The following ABLIM1 variants were observed in gnomAD, a reference collection of about 807,000 sequenced individuals.
ABLIM1 encodes actin-binding LIM protein 1.
ABLIM1 carries 40 observed loss-of-function variants against 107.0 expected under a neutral mutation model. The observed-to-expected ratio is 0.37, with a 90% CI of 0.29 to 0.49. The LOEUF is 0.49. Among genes scored for constraint, ABLIM1 ranks in the 20% least tolerant of loss-of-function variants. The probability of loss-of-function intolerance (pLI) is 0.97; values close to 1 mark genes in which losing one functional copy is unlikely to be tolerated. For synonymous variants in ABLIM1, 357 were observed against 357.3 expected (o/e 1.00, Z 0.01); for missense variants, 857 against 1,008.5 (o/e 0.85, Z 2.04).
chr10:114,524,324 G>A (rs915462137), intron 6 of ABLIM1, among the ~76,000 whole-genome samples: 15 of 152,142 alleles, frequency 9.9e-5, no homozygotes, highest in Non-Finnish European at 2.1e-4. Flanking sequence ...TAATGCTAAA[G>A]GTGTAAGAAA....
chr10:114,473,127 T>C lies in ABLIM1; in HGVS notation c.1125A>G (p.Lys375=). The C allele has an allele frequency of 1.2e-6, 2 of 1,607,726 alleles. No homozygotes were observed. Among genetic ancestry groups the C allele is most frequent in the Non-Finnish European group, 1.7e-6 (2 of 1,176,426 alleles). ...TGTAATCCAGGATCTCATTGTCTAC[T>C]TTTGCCTGGCAAAGTTAACCAGAAA... is the stretch of plus-strand genomic sequence containing the variant. ...PGSPGHTIYA[K]VDNEILDYKD... The change falls in exon 10 of 23, where the codon AAA becomes AAG. Residue 375 remains lysine, a synonymous_variant. Coordinates refer to ENST00000533213, the MANE Select transcript of ABLIM1 (RefSeq NM_002313.7).
chr10:114,748,659 CTTTT>C (rs1290803247), intron 1 of ABLIM1, among the ~76,000 whole-genome samples: 2 of 121,560 alleles, frequency 1.6e-5, no homozygotes, highest in African/African-American at 6.0e-5. Context: ...TTTTTTTTTT[CTTTT>C]TTTTTTTTTT....
intron 11 of ABLIM1, among the ~76,000 whole-genome samples, chr10:114,467,691 G>C (rs2065471138): frequency 6.6e-6 from 1 of 152,160 alleles, no homozygotes; most frequent in Admixed American, 6.5e-5. Context: ...TTGAATTACA[G>C]AGATTCCCTA....
At chr10:114,597,771 C>T (rs2253338) in intron 2 of ABLIM1, among the ~76,000 whole-genome samples, 103,413 of 151,894 alleles carry the variant, frequency 0.68, 35,657 homozygotes, top group Middle Eastern at 0.74. Flanking sequence ...CTTTGGGTAG[C>T]GGTACTATGT....
At chr10:114,561,977 T>C (rs2069775917) in intron 4 of ABLIM1, among the ~76,000 whole-genome samples, 1 of 152,204 alleles carries the variant, frequency 6.6e-6, no homozygotes, top group Non-Finnish European at 1.5e-5. Context: ...CAGATTTCAG[T>C]AGGAAAAATC....
chr10:114,670,524 G>T (rs1215991703), intron 1 of ABLIM1, among the ~76,000 whole-genome samples: 1 of 152,132 alleles, frequency 6.6e-6, no homozygotes, highest in Admixed American at 6.6e-5. Context: ...TTCAGACAGG[G>T]TCTTGCTCCC....
chr10:114,521,872 G>C (rs569885002), intron 6 of ABLIM1, among the ~76,000 whole-genome samples: 1 of 152,312 alleles, frequency 6.6e-6, no homozygotes, highest in African/African-American at 2.4e-5. Flanking sequence ...AGATAGTCGG[G>C]GAACAGTGCC....
At chr10:114,442,482 T>C (rs919330752) in intron 17 of ABLIM1, among the ~76,000 whole-genome samples, 2 of 152,242 alleles carry the variant, frequency 1.3e-5, no homozygotes, top group Non-Finnish European at 2.9e-5. Context: ...TCTTCATCTA[T>C]GCAGGTACAA....
chr10:114,756,367 CTTTA>C (rs762709697), intron 1 of ABLIM1, among the ~76,000 whole-genome samples: 7 of 152,156 alleles, frequency 4.6e-5, no homozygotes, highest in Admixed American at 3.3e-4. Context: ...CTTAATTACA[CTTTA>C]TTTGTTTTTG....
chr10:114,629,951 A>G lies in ABLIM1; in HGVS notation c.245-27990T>C, dbSNP rs2078064189. 6.6e-6 allele frequency among the ~76,000 whole-genome samples: 1 copy of G among 152,198 alleles called. No individual in the cohort carries two copies. ...GTGGTGTGGACTGGCACAGACCTCA[A>G]AATAAAACAGAACAGCCTTTAATCA... is the stretch of plus-strand genomic sequence containing the variant. On this transcript the variant is annotated intron_variant, in intron 1 of 22. Coordinates refer to ENST00000533213, the MANE Select transcript of ABLIM1 (RefSeq NM_002313.7). The surrounding 1 kb of genome is among the most constrained non-coding windows in gnomAD (Gnocchi z 4.0).
chr10:114,497,363 C>G (rs373230275), intron 6 of ABLIM1, among the ~76,000 whole-genome samples: 1 of 152,124 alleles, frequency 6.6e-6, no homozygotes, highest in African/African-American at 2.4e-5. Context: ...TATCTTTGTA[C>G]CCTGCTCCTT....
intron 6 of ABLIM1, among the ~76,000 whole-genome samples, chr10:114,524,839 G>A (rs1031453695): frequency 6.6e-6 from 1 of 152,218 alleles, no homozygotes; most frequent in South Asian, 2.1e-4. Flanking sequence ...CCTTGAATCT[G>A]ATACCCCATT....
upstream of ABLIM1, among the ~76,000 whole-genome samples, chr10:114,689,359 T>G (rs2081019071): frequency 6.9e-6 from 1 of 144,240 alleles, no homozygotes; most frequent in South Asian, 2.3e-4. Context: ...GTTTTTTGTA[T>G]ATTGGTTTTT....
At chr10:114,598,957 A>G (rs1197245052) in intron 2 of ABLIM1, among the ~76,000 whole-genome samples, 1 of 152,126 alleles carries the variant, frequency 6.6e-6, no homozygotes, top group Non-Finnish European at 1.5e-5. Context: ...CACCCTTGCA[A>G]GTCTCCCCAC....
rs2059276294 is a variant in ABLIM1 at position 114,435,412 on chromosome 10, G to A, written c.*848C>T. 2 of 152,102 alleles carry A rather than the reference G, an allele frequency of 1.3e-5. No individual in the cohort carries two copies. The highest frequency in any genetic ancestry group is 1.3e-4 in the Admixed American group (2 of 15,270). 9.4% of individuals were successfully genotyped at this position (152,102 alleles called of 1,614,324 possible). ...TGGCCCCTATGCAAAATCACCTAAT[G>A]GCATGCCACTGGGCCAATCTGGGGG... On this transcript the variant is annotated 3_prime_UTR_variant, in exon 23 of 23. Transcript: ENST00000533213.
rs1032845949 is a variant in ABLIM1, at chr10:114,735,764, G to A, written c.-213+32297C>T. On this transcript the variant is annotated intron_variant, in intron 1 of 15. Coordinates refer to the ABLIM1 transcript ENST00000651092. ...ATTACAGGCGTGAGCCACCATGCCC[G>A]GCCAATGTGTTGGTCTTATCATGAA... Among the ~76,000 whole-genome samples the A allele has an allele frequency of 2.6e-5, 4 of 152,146 alleles. No individual in the cohort carries two copies. The East Asian group carries it at 5.8e-4, about 22-fold the overall frequency.
At chr10:114,543,002 T>C (rs2066891632) in intron 6 of ABLIM1, among the ~76,000 whole-genome samples, 1 of 152,148 alleles carries the variant, frequency 6.6e-6, no homozygotes, top group Non-Finnish European at 1.5e-5. Context: ...GAGAGAACTC[T>C]TTCCACCCTT....
intron 1 of ABLIM1, among the ~76,000 whole-genome samples, chr10:114,650,905 C>T (rs74158031): frequency 0.077 from 11,727 of 152,236 alleles, 529 homozygotes; most frequent in African/African-American, 0.11. Context: ...TTCTAAAATA[C>T]GTATTTTCTC....
chr10:114,749,450 CCACACA>C (rs151201319), intron 1 of ABLIM1, among the ~76,000 whole-genome samples: 3,867 of 141,590 alleles, frequency 0.027, 161 homozygotes, highest in African/African-American at 0.092. Flanking sequence ...AACACACACA[CCACACA>C]CACACACACA....
Sources: gnomAD v4.1 joint callset for allele counts (sites outside exome capture counted in the v4.1 genomes callset) on GRCh38, gnomAD v4.1.1 for gene constraint, Gnocchi (gnomAD v3.1) non-coding constraint, MANE v1.5 for transcripts, NCBI Gene and HGNC (gene_info 2026-07-23, HGNC 2026-07-21) for gene names.